Variants in BAAT observed in about 807,000 individuals in gnomAD.
The protein encoded by BAAT is bile acid-CoA:amino acid N-acyltransferase, also known as bile acid CoA: amino acid N-acyltransferase (glycine N-choloyltransferase).
Under a neutral mutation model 18.9 loss-of-function variants are expected in BAAT, and 13 were observed. The ratio of observed to expected loss-of-function variants is 0.69; its 90% CI spans 0.45 to 1.10. BAAT has a LOEUF of 1.10. Ranked by LOEUF, BAAT falls within the 50% of genes least tolerant of loss-of-function variation. The pLI is 0.00. For missense variants in BAAT, 489 were observed against 504.0 expected (o/e 0.97, Z 0.28); for synonymous variants, 170 against 190.7 (o/e 0.89, Z 0.89).
At chr9:101,379,083 A>T (rs1039070304) in intron 1 of BAAT, among the ~76,000 whole-genome samples, 1 of 152,236 alleles carries the variant, frequency 6.6e-6, no homozygotes, top group Admixed American at 6.5e-5. Flanking sequence ...AAGAAACAAC[A>T]GATGCTGGAG....
Position 101,360,949 on chromosome 9 carries a change from T to G in BAAT, c.*1479A>C, listed in dbSNP as rs541077339. The G allele has an allele frequency of 1.3e-5, 2 of 159,586 alleles. No homozygotes were observed. The highest frequency in any genetic ancestry group is 2.9e-5 in the Non-Finnish European group (2 of 70,084). The allele number at this position is 159,586 out of a possible 1,614,324, so 9.9% of individuals were successfully genotyped here. A position where few individuals can be genotyped will look rare whatever the true frequency, so the allele number is the denominator to read the frequency against. On this transcript the variant is annotated 3_prime_UTR_variant, in exon 4 of 4. Coordinates refer to ENST00000259407, the MANE Select transcript of BAAT (RefSeq NM_001701.4). ...AAACATGTAAGAAAACATTTCTTGGTGCACAAGAAGGATAAAAATGCAAAT... is the reference window on the plus strand; with the variant it reads ...AAACATGTAAGAAAACATTTCTTGGGGCACAAGAAGGATAAAAATGCAAAT...
chr9:101,377,468 G>A (rs1367367536), intron 1 of BAAT, among the ~76,000 whole-genome samples: 3 of 152,172 alleles, frequency 2.0e-5, no homozygotes, highest in South Asian at 2.1e-4. Context: ...GGGTAAAATG[G>A]TCTGGGGGTG....
In BAAT at chr9:101,361,928, T is replaced by G. The variant is rs1272852102; in HGVS notation, c.*500A>C. The G allele has an allele frequency of 5.9e-6, 1 of 170,740 alleles. No homozygotes were observed. 10.6% of individuals were successfully genotyped at this position (170,740 alleles called of 1,614,324 possible). On this transcript the variant is annotated 3_prime_UTR_variant, in exon 4 of 4. Coordinates refer to ENST00000259407, the MANE Select transcript of BAAT (RefSeq NM_001701.4). ...CCTCCTCCATTCCTTCTTTCCTTTT[T>G]GACATGAATTTTACTACCCCACAAA...
Position 101,368,416 on chromosome 9 carries a change from T to A in BAAT, c.467-94A>T. ...CAAAGCAGAAATACAAATGATTAGA[T>A]AATAAAAGATAAAATAAATAAATAA... On this transcript the variant is annotated intron_variant, in intron 2 of 3. Transcript: ENST00000259407. The A allele has an allele frequency of 2.8e-6, 3 of 1,077,522 alleles. No individual in the cohort carries two copies. The South Asian group carries it at 4.9e-5, about 17-fold the overall frequency. 66.7% of individuals were successfully genotyped at this position (1,077,522 alleles called of 1,614,324 possible).
Position 101,383,690 on chromosome 9 carries a change from T to C in BAAT, c.-60+1165A>G, listed in dbSNP as rs889917692. On this transcript the variant is annotated intron_variant, in intron 1 of 3. Coordinates refer to ENST00000259407, the MANE Select transcript of BAAT (RefSeq NM_001701.4). Reference sequence around the variant, plus strand: ...GTATCACTATTTTCCCTCTTCATTTTCTGTTCTCTCTAAATCCGTCCCTCT... The same window carrying C: ...GTATCACTATTTTCCCTCTTCATTTCCTGTTCTCTCTAAATCCGTCCCTCT... 4.6e-5 allele frequency among the ~76,000 whole-genome samples: 7 copies of C among 152,234 alleles called. No homozygotes were observed. The East Asian group carries it at 1.3e-3, about 29-fold the overall frequency.
intron 1 of BAAT, among the ~76,000 whole-genome samples, chr9:101,382,857 T>C (rs1456252271): frequency 1.3e-5 from 2 of 152,236 alleles, no homozygotes; most frequent in Non-Finnish European, 2.9e-5. Context: ...TCATTAACTT[T>C]AGCTCAAACT....
chr9:101,383,313 G>T (rs1830159021), intron 1 of BAAT, among the ~76,000 whole-genome samples: 1 of 152,170 alleles, frequency 6.6e-6, no homozygotes, highest in Non-Finnish European at 1.5e-5. Flanking sequence ...CAACTCTACA[G>T]CTGAGATTAT....
Position 101,371,154 on chromosome 9 carries a change from G to C in BAAT, c.251C>G (p.Pro84Arg). 1 of 1,614,120 alleles carries C rather than the reference G, an allele frequency of 6.2e-7. No individual in the cohort carries two copies. Among genetic ancestry groups the C allele is most frequent in the Non-Finnish European group, 8.5e-7 (1 of 1,180,010 alleles). Reference protein sequence around the residue: ...HPMGLFWSLKPEKLLTRLLKR... With the variant: ...HPMGLFWSLKREKLLTRLLKR... ...CAACAGTCTTGTTAATAGCTTTTCA[G>C]GTTTCAGAGACCAGAAGAGACCCAT... The change falls in exon 2 of 4, where the codon CCT becomes CGT. Residue 84 changes from proline (P) to arginine (R), a missense_variant. Physicochemically the swap from Pro to Arg is moderately radical, Grantham distance 103. Transcript: ENST00000259407.
intron 1 of BAAT, among the ~76,000 whole-genome samples, chr9:101,380,594 A>G (rs556579302): frequency 7.6e-4 from 115 of 152,254 alleles, no homozygotes; most frequent in Non-Finnish European, 1.3e-3. Context: ...TCCTTTTTAT[A>G]TCCTAGCACT....
intron 1 of BAAT, among the ~76,000 whole-genome samples, chr9:101,383,912 T>A (rs1034703521): frequency 1.3e-5 from 2 of 152,170 alleles, no homozygotes; most frequent in Non-Finnish European, 2.9e-5. Flanking sequence ...GTGATCACAG[T>A]AATGAGTAAT....
chr9:101,383,946 G>C (rs1173054023), intron 1 of BAAT, among the ~76,000 whole-genome samples: 1 of 152,114 alleles, frequency 6.6e-6, no homozygotes, highest in African/African-American at 2.4e-5. Flanking sequence ...CCCACTTTCA[G>C]AATTTGGGGA....
chr9:101,371,443 T>C lies in BAAT; in HGVS notation c.-39A>G. 1 of 1,575,860 alleles carries C rather than the reference T, an allele frequency of 6.3e-7. No homozygotes were observed. Among genetic ancestry groups the C allele is most frequent in the East Asian group, 2.2e-5 (1 of 44,600 alleles). On this transcript the variant is annotated 5_prime_UTR_variant, in exon 2 of 4. Transcript: ENST00000259407. Reference sequence around the variant, plus strand: ...CACCTGGGATGATTCTTCAGGAATATCTTCAGCAAAACCTCAAAACCTCAA... The same window carrying C: ...CACCTGGGATGATTCTTCAGGAATACCTTCAGCAAAACCTCAAAACCTCAA...
chr9:101,365,067 A>G (rs1829803509), intron 3 of BAAT, among the ~76,000 whole-genome samples: 1 of 152,214 alleles, frequency 6.6e-6, no homozygotes, highest in South Asian at 2.1e-4. Flanking sequence ...GTTATTTTTG[A>G]GTATTGAGTG....
rs1047772434 is a variant in BAAT, at chr9:101,371,952, A to G, written c.-59-489T>C. ...CAGAACATAAAAAAATAGAGGGATC[A>G]TGGAATAGGAATACTATACAGCCAT... On this transcript the variant is annotated intron_variant, in intron 1 of 3. Coordinates refer to ENST00000259407, the MANE Select transcript of BAAT (RefSeq NM_001701.4). Among the ~76,000 whole-genome samples the G allele has an allele frequency of 2.0e-5, 3 of 152,196 alleles. No homozygotes were observed. In the East Asian group the frequency reaches 5.8e-4, roughly 29 times the overall value.
chr9:101,365,568 A>T (rs1829812139), intron 3 of BAAT, among the ~76,000 whole-genome samples: 1 of 151,676 alleles, frequency 6.6e-6, no homozygotes, highest in Non-Finnish European at 1.5e-5. Context: ...ACTGAGTCTC[A>T]TTCTGTCACC....
At chr9:101,366,507 A>C (rs1829830931) in intron 3 of BAAT, among the ~76,000 whole-genome samples, 1 of 152,188 alleles carries the variant, frequency 6.6e-6, no homozygotes, top group Non-Finnish European at 1.5e-5. Context: ...TCTGGTTTCC[A>C]GGCCTGGATT....
intron 3 of BAAT, among the ~76,000 whole-genome samples, chr9:101,365,486 A>G (rs1009405029): frequency 6.6e-6 from 1 of 151,792 alleles, no homozygotes. Context: ...GTTCCTTTCA[A>G]GCTCTGAAAT....
In BAAT at chr9:101,362,437, A is replaced by G; in HGVS notation, c.1248T>C (p.Ser416=). 6.2e-7 allele frequency: 1 copy of G among 1,613,912 alleles called. No homozygotes were observed. The highest frequency in any genetic ancestry group is 8.5e-7 in the Non-Finnish European group (1 of 1,179,898). Residue 416 remains serine (S), a synonymous_variant, in exon 4 of 4, where the codon AGT becomes AGC. Transcript: ENST00000259407. ...GGAATATCTAGTCTTCTTAGAGTTG[A>G]CTGGTCACATCTGGAATGAGGTGCT... The part of the protein sequence containing the change: ...LRKHLIPDVT[S]QL
At chr9:101,369,647 G>C (rs1445564682) in intron 2 of BAAT, among the ~76,000 whole-genome samples, 1 of 152,128 alleles carries the variant, frequency 6.6e-6, no homozygotes, top group Non-Finnish European at 1.5e-5. Flanking sequence ...GATAATAGAG[G>C]CACAGCAATT....
Sources: allele counts gnomAD v4.1 joint callset (sites outside exome capture counted in the v4.1 genomes callset), GRCh38; gene constraint gnomAD v4.1.1; transcripts MANE v1.5; gene names NCBI Gene and HGNC (gene_info 2026-07-23, HGNC 2026-07-21).